The following SNX10 variants were observed in gnomAD, a reference collection of about 807,000 sequenced individuals.
SNX10 encodes sorting nexin-10.
In SNX10, 25 loss-of-function variants were observed where a neutral mutation model predicts 28.5. That is an observed-to-expected ratio of 0.88 (90% CI 0.64 to 1.22). SNX10 has a LOEUF of 1.22. SNX10 is among the 50% of genes most tolerant of loss of function. The pLI, the probability that SNX10 is intolerant of heterozygous loss-of-function variation, is 0.00. For synonymous variants in SNX10, 62 were observed against 81.4 expected, an observed-to-expected ratio of 0.76 and a Z score of 1.28; for missense variants, 223 against 242.6, an observed-to-expected ratio of 0.92 and a Z score of 0.54.
intron 1 of SNX10, among the ~76,000 whole-genome samples, chr7:26,328,600 G>T (rs560030910): frequency 2.6e-4 from 39 of 152,264 alleles, no homozygotes; most frequent in African/African-American, 8.9e-4. Flanking sequence ...GATTAAAGTG[G>T]AAGGCAACAG....
intron 1 of SNX10, among the ~76,000 whole-genome samples, chr7:26,338,106 T>G (rs62448372): frequency 6.7e-6 from 1 of 149,102 alleles, no homozygotes; most frequent in Admixed American, 6.7e-5. Context: ...TCAATTCCTT[T>G]GTCCTTTTTT....
chr7:26,307,085 G>A (rs1786630365), intron 1 of SNX10, among the ~76,000 whole-genome samples: 1 of 152,168 alleles, frequency 6.6e-6, no homozygotes. Context: ...CAGAGGCACC[G>A]TGAAGGAAAG....
chr7:26,349,972 GC>G (rs1312059450), intron 2 of SNX10, among the ~76,000 whole-genome samples: 1 of 152,184 alleles, frequency 6.6e-6, no homozygotes, highest in Non-Finnish European at 1.5e-5. Context: ...AGGGCACTGG[GC>G]TCTTTCCTTG....
chr7:26,342,960 C>A (rs1788239083), intron 1 of SNX10, among the ~76,000 whole-genome samples: 2 of 152,116 alleles, frequency 1.3e-5, no homozygotes, highest in South Asian at 4.1e-4. Flanking sequence ...CAGGCGCATG[C>A]TATCATGCCC....
intron 1 of SNX10, among the ~76,000 whole-genome samples, chr7:26,338,432 T>G (rs1391423878): frequency 6.6e-6 from 1 of 152,110 alleles, no homozygotes; most frequent in East Asian, 1.9e-4. Context: ...CCAGCGTTGT[T>G]GCTGTTGTTT....
chr7:26,339,507 T>G (rs899902247), intron 1 of SNX10, among the ~76,000 whole-genome samples: 2 of 151,226 alleles, frequency 1.3e-5, no homozygotes, highest in Non-Finnish European at 2.9e-5. Context: ...TCTTTGTTTT[T>G]GTTTGTTGTT....
At chr7:26,326,399 C>G (rs888284432) in intron 1 of SNX10, among the ~76,000 whole-genome samples, 2 of 152,190 alleles carry the variant, frequency 1.3e-5, no homozygotes, top group Non-Finnish European at 2.9e-5. Context: ...TTTTCCTCTA[C>G]CCTCCCCATC....
intron 1 of SNX10, among the ~76,000 whole-genome samples, chr7:26,344,184 T>TC: frequency 1.3e-5 from 2 of 148,796 alleles, no homozygotes. Context: ...AATTTTTTTT[T>TC]TTTTTTTTTT....
At chr7:26,295,176 C>T (rs1030444035) in intron 1 of SNX10, among the ~76,000 whole-genome samples, 2 of 152,032 alleles carry the variant, frequency 1.3e-5, no homozygotes, top group Non-Finnish European at 2.9e-5. Context: ...GGGAAATAGT[C>T]TTTATCAGAT....
intron 3 of SNX10, among the ~76,000 whole-genome samples, chr7:26,362,696 T>G (rs1258643210): frequency 6.6e-6 from 1 of 152,250 alleles, no homozygotes; most frequent in Non-Finnish European, 1.5e-5. Context: ...TTCTCTTAGT[T>G]GTTAACCCAT....
At chr7:26,344,175 A>ATTTTTT (rs35200460) in intron 1 of SNX10, among the ~76,000 whole-genome samples, 7 of 114,108 alleles carry the variant, frequency 6.1e-5, no homozygotes, top group African/African-American at 1.8e-4. Context: ...CTGTCTCTGA[A>ATTTTTT]TTTTTTTTTT....
At position 26,370,849 on chromosome 7, in the gene SNX10, T is replaced by TTA. The variant is rs1401787798; in HGVS notation, c.312-971_312-970dup. The TTA allele has an allele frequency of 6.6e-5, 10 of 152,326 alleles. No homozygotes were observed. The East Asian group carries it at 1.9e-3, about 29-fold the overall frequency. The allele number at this position is 152,326 out of a possible 1,614,324, so 9.4% of individuals were successfully genotyped here. A position where few individuals can be genotyped will look rare whatever the true frequency, so the allele number is the denominator to read the frequency against. On this transcript the variant is annotated intron_variant, in intron 5 of 6. Transcript: ENST00000338523. ...TTAGTTTTGTCCCCTGTATCTGGTC[T>TTA]TAGTGTCTCCTCTTACATAATTATT...
chr7:26,341,326 C>A (rs946390633), intron 1 of SNX10, among the ~76,000 whole-genome samples: 1 of 151,960 alleles, frequency 6.6e-6, no homozygotes, highest in Non-Finnish European at 1.5e-5. Flanking sequence ...AATAATAATT[C>A]TTACAATGAA....
intron 1 of SNX10, among the ~76,000 whole-genome samples, chr7:26,320,905 A>G (rs1787285049): frequency 6.6e-6 from 1 of 152,202 alleles, no homozygotes; most frequent in Non-Finnish European, 1.5e-5. Context: ...TTCCATGACT[A>G]CATCCTGCTT....
At chr7:26,305,187 C>G (rs958593138) in intron 1 of SNX10, among the ~76,000 whole-genome samples, 1 of 152,120 alleles carries the variant, frequency 6.6e-6, no homozygotes, top group African/African-American at 2.4e-5. Flanking sequence ...CTTTCCTCCT[C>G]TCATCCCTAC....
intron 1 of SNX10, among the ~76,000 whole-genome samples, chr7:26,322,269 G>A (rs1210238428): frequency 6.6e-6 from 1 of 152,150 alleles, no homozygotes; most frequent in Admixed American, 6.5e-5. Flanking sequence ...AAAGAACATT[G>A]GGAGTCTTGC....
Position 26,364,759 on chromosome 7 carries a change from G to C in SNX10, c.212+124G>C. 1.4e-6 allele frequency: 1 copy of C among 708,042 alleles called. No individual in the cohort carries two copies. The highest frequency in any genetic ancestry group is 2.3e-6 in the Non-Finnish European group (1 of 437,662). 43.9% of individuals were successfully genotyped at this position (708,042 alleles called of 1,614,324 possible). On this transcript the variant is annotated intron_variant, in intron 4 of 6. Transcript: ENST00000338523. This position sits in a 1 kb window ranked among gnomAD's most constrained non-coding sequence, Gnocchi z 4.9. Reference sequence around the variant, plus strand: ...GCTTTTGCCTTGATTACAATATGTAGCTTTAGTTTCTTAGCTACTGCATCT... The same window carrying C: ...GCTTTTGCCTTGATTACAATATGTACCTTTAGTTTCTTAGCTACTGCATCT...
intron 1 of SNX10, among the ~76,000 whole-genome samples, chr7:26,321,217 G>A (rs911933652): frequency 1.3e-5 from 2 of 152,162 alleles, no homozygotes; most frequent in African/African-American, 4.8e-5. Context: ...CTCACAGCCC[G>A]GTGTGTAGGC....
chr7:26,317,707 G>T (rs1787145621), intron 1 of SNX10, among the ~76,000 whole-genome samples: 1 of 146,630 alleles, frequency 6.8e-6, no homozygotes, highest in Admixed American at 7.0e-5. Flanking sequence ...CTGTTGCCCA[G>T]GCTGGAGTGC....
Sources: allele counts gnomAD v4.1 joint callset (sites outside exome capture counted in the v4.1 genomes callset), GRCh38; gene constraint gnomAD v4.1.1; non-coding constraint Gnocchi (gnomAD v3.1); transcripts MANE v1.5; gene names NCBI Gene and HGNC (gene_info 2026-07-23, HGNC 2026-07-21).